LMBRD1: variants seen among roughly 807,000 people sequenced by gnomAD.
The protein encoded by LMBRD1 is lysosomal cobalamin transport escort protein LMBD1.
Under a neutral mutation model 74.8 loss-of-function variants are expected in LMBRD1, and 64 were observed. That is an observed-to-expected ratio of 0.86 (90% CI 0.70 to 1.05). LMBRD1 has a LOEUF of 1.05. Among genes scored for constraint, LMBRD1 ranks in the 50% least tolerant of loss-of-function variants. The pLI, the probability that LMBRD1 is intolerant of heterozygous loss-of-function variation, is 0.00. For missense variants in LMBRD1, 652 were observed against 645.9 expected, an observed-to-expected ratio of 1.01 and a Z score of -0.10; for synonymous variants, 204 against 216.3, an observed-to-expected ratio of 0.94 and a Z score of 0.50.
intron 14 of LMBRD1, among the ~76,000 whole-genome samples, chr6:69,682,937 G>A (rs1765693285): frequency 6.6e-6 from 1 of 151,988 alleles, no homozygotes; most frequent in Non-Finnish European, 1.5e-5. Flanking sequence ...AAAGACTGAT[G>A]TTTTCAGAGT....
intron 1 of LMBRD1, among the ~76,000 whole-genome samples, chr6:69,793,358 G>A (rs888684549): frequency 6.6e-6 from 1 of 152,162 alleles, no homozygotes; most frequent in Non-Finnish European, 1.5e-5. Context: ...GAGAATAGAT[G>A]ACATACTGTA....
chr6:69,725,295 C>T (rs1766704980), intron 7 of LMBRD1, among the ~76,000 whole-genome samples: 2 of 151,100 alleles, frequency 1.3e-5, no homozygotes, highest in South Asian at 2.1e-4. Flanking sequence ...TCAAAGCAAC[C>T]TACAGATTCA....
chr6:69,733,460 A>T (rs1263590990), intron 7 of LMBRD1, among the ~76,000 whole-genome samples: 1 of 152,164 alleles, frequency 6.6e-6, no homozygotes, highest in Non-Finnish European at 1.5e-5. Flanking sequence ...TTTTCACTGA[A>T]TTTTTACTAA....
intron 8 of LMBRD1, 51 bp from the exon 9 acceptor site, chr6:69,713,848 G>A (rs748969719): frequency 6.9e-6 from 11 of 1,594,576 alleles, no homozygotes; most frequent in South Asian, 1.1e-5. Flanking sequence ...TCTTAATAAA[G>A]TACCCAGCAG....
At chr6:69,703,449 T>C (rs1306765767) in intron 9 of LMBRD1, among the ~76,000 whole-genome samples, 3 of 142,080 alleles carry the variant, frequency 2.1e-5, no homozygotes, top group South Asian at 2.2e-4. Flanking sequence ...TTGGTATCCA[T>C]TTTGGCAAAA....
rs186413857 is a variant in LMBRD1, at chr6:69,751,204, C to G, written c.405+1055G>C. On this transcript the variant is annotated intron_variant, in intron 4 of 15. Transcript: ENST00000649934. The stretch of plus-strand genomic sequence containing the variant: ...TCGGTTATATAATATCAATATATTT[C>G]TAAGATGCTCCTGAATTATATTTAC... 2.3e-4 allele frequency among the ~76,000 whole-genome samples: 35 copies of G among 152,192 alleles called. No homozygotes were observed. The East Asian group carries it at 6.0e-3, about 26-fold the overall frequency.
At chr6:69,714,706 GCCT>G (rs1400740241) in intron 8 of LMBRD1, among the ~76,000 whole-genome samples, 1 of 152,032 alleles carries the variant, frequency 6.6e-6, no homozygotes, top group Non-Finnish European at 1.5e-5. Flanking sequence ...TCCTAGTGCA[GCCT>G]CAATTTGAAA....
chr6:69,790,949 A>T (rs1368376729), intron 1 of LMBRD1, among the ~76,000 whole-genome samples: 2 of 152,262 alleles, frequency 1.3e-5, no homozygotes, highest in Non-Finnish European at 2.9e-5. Flanking sequence ...AACTGCCAGT[A>T]ATCACCATGC....
chr6:69,684,719 TTATAA>T (rs1266377132), intron 14 of LMBRD1, among the ~76,000 whole-genome samples: 1 of 152,088 alleles, frequency 6.6e-6, no homozygotes, highest in Non-Finnish European at 1.5e-5. Flanking sequence ...AATTGTAGCA[TTATAA>T]TATATAATTA....
chr6:69,729,101 A>G (rs979160931), intron 7 of LMBRD1, among the ~76,000 whole-genome samples: 39 of 151,628 alleles, frequency 2.6e-4, no homozygotes, highest in African/African-American at 9.0e-4. Flanking sequence ...CAACTTGTTA[A>G]CTTTATCTCA....
intron 3 of LMBRD1, among the ~76,000 whole-genome samples, chr6:69,765,321 C>A (rs141467081): frequency 0.015 from 2,281 of 152,112 alleles, 62 homozygotes; most frequent in African/African-American, 0.052. Flanking sequence ...CAAAAAAAAT[C>A]ATTTTTTGCA....
chr6:69,698,899 A>G, intron 13 of LMBRD1, 144 bp downstream of exon 13: 2 of 620,056 alleles, frequency 3.2e-6, no homozygotes, highest in East Asian at 2.8e-5. Context: ...TATGCTAAAA[A>G]TAGAAATAAA....
chr6:69,763,872 G>C (rs1386466630), intron 3 of LMBRD1, among the ~76,000 whole-genome samples: 1 of 152,112 alleles, frequency 6.6e-6, no homozygotes, highest in Non-Finnish European at 1.5e-5. Flanking sequence ...TTTTCCCTTA[G>C]AATGTCTATC....
intron 7 of LMBRD1, among the ~76,000 whole-genome samples, chr6:69,719,329 CT>C (rs1175078266): frequency 1.1e-4 from 16 of 152,094 alleles, no homozygotes; most frequent in African/African-American, 3.9e-4. Context: ...TGTAAATTTA[CT>C]GTACAATACT....
chr6:69,691,242 A>C (rs937662301), intron 14 of LMBRD1, among the ~76,000 whole-genome samples: 4 of 151,834 alleles, frequency 2.6e-5, no homozygotes, highest in Non-Finnish European at 4.4e-5. Flanking sequence ...ATGTTGAAAA[A>C]AAAAAAACTG....
chr6:69,713,801 C>A lies in LMBRD1; in HGVS notation c.763-4G>T. 1 of 1,613,226 alleles carries A rather than the reference C, an allele frequency of 6.2e-7. No individual in the cohort carries two copies. Among genetic ancestry groups the A allele is most frequent in the Non-Finnish European group, 8.5e-7 (1 of 1,179,466 alleles). On this transcript the variant is annotated splice_region_variant and splice_polypyrimidine_tract_variant and intron_variant, in intron 8 of 15. Coordinates refer to ENST00000649934, the MANE Select transcript of LMBRD1 (RefSeq NM_018368.4). ...GCAAAGGTCGACCATCTTTGCTCTG[C>A]AAATAACAGAACAAAATAAAAGTTT...
rs190612605 is a variant in LMBRD1 at position 69,706,212 on chromosome 6, C to A, written c.916-4259G>T. The A allele has an allele frequency of 4.2e-4, 173 of 413,638 alleles. No individual in the cohort carries two copies. In the East Asian group the frequency reaches 6.7e-3, roughly 16 times the overall value. The allele number at this position is 413,638 out of a possible 1,614,324, so 25.6% of individuals were successfully genotyped here. A position where few individuals can be genotyped will look rare whatever the true frequency, so the allele number is the denominator to read the frequency against. On this transcript the variant is annotated intron_variant, in intron 9 of 15. Transcript: ENST00000649934. The stretch of plus-strand genomic sequence containing the variant: ...AGAGAAGGCAGATGGAGATAAACAA[C>A]CACAGCTCAAGAGAACAGCCGCACA...
At chr6:69,743,196 G>A (rs1037547001) in intron 5 of LMBRD1, among the ~76,000 whole-genome samples, 17 of 152,146 alleles carry the variant, frequency 1.1e-4, no homozygotes, top group Non-Finnish European at 2.5e-4. Flanking sequence ...CAAAAAGTAT[G>A]CTCTGAACTT....
intron 14 of LMBRD1, among the ~76,000 whole-genome samples, chr6:69,695,980 AT>A (rs1765988590): frequency 6.6e-6 from 1 of 151,976 alleles, no homozygotes; most frequent in South Asian, 2.1e-4. Flanking sequence ...AGTAGCTGGG[AT>A]TACAGGGGTG....
Sources: gnomAD v4.1 joint callset for allele counts (sites outside exome capture counted in the v4.1 genomes callset) on GRCh38, gnomAD v4.1.1 for gene constraint, MANE v1.5 for transcripts, NCBI Gene and HGNC (gene_info 2026-07-23, HGNC 2026-07-21) for gene names.